The following PDE6A variants were observed in gnomAD, a reference collection of about 807,000 sequenced individuals.
The protein encoded by PDE6A is phosphodiesterase 6A.
In PDE6A, 84 loss-of-function variants were observed where a neutral mutation model predicts 106.3. That is an observed-to-expected ratio of 0.79 (90% CI 0.66 to 0.95). The LOEUF (loss-of-function observed/expected upper bound fraction) is 0.95. Among genes scored for constraint, PDE6A ranks in the 40% least tolerant of loss-of-function variants. The pLI is 0.00. For synonymous variants in PDE6A, 394 were observed against 386.6 expected (o/e 1.02, Z -0.23); for missense variants, 1,052 against 1,084.9 (o/e 0.97, Z 0.43).
rs1361550009 is a variant in PDE6A at position 149,903,512 on chromosome 5, A to T, written c.1113+136T>A. On this transcript the variant is annotated intron_variant, in intron 8 of 21. Coordinates refer to ENST00000255266, the MANE Select transcript of PDE6A (RefSeq NM_000440.3). ...ACTCTGTCCCCATTTCCATTGGTACAGGAATTTTATCCTGTCATATTTTCA... is the reference window on the plus strand; with the variant it reads ...ACTCTGTCCCCATTTCCATTGGTACTGGAATTTTATCCTGTCATATTTTCA... 6.8e-6 allele frequency: 5 copies of T among 737,708 alleles called. No individual in the cohort carries two copies. The Admixed American group carries it at 9.9e-5, about 15-fold the overall frequency. The allele number at this position is 737,708 out of a possible 1,614,324, so 45.7% of individuals were successfully genotyped here.
Position 149,886,898 on chromosome 5 carries a change from G to A in PDE6A, c.1729-524C>T, listed in dbSNP as rs561045274. Among the ~76,000 whole-genome samples, 34 of 152,284 alleles carry A rather than the reference G, an allele frequency of 2.2e-4. No homozygotes were observed. The South Asian group carries it at 6.6e-3, about 30-fold the overall frequency. Reference sequence around the variant, plus strand: ...GAAACCAAATGTGGGAAAGTGCTCTGGAGAGCTGATGCTGACTTTATGAAA... The same window carrying A: ...GAAACCAAATGTGGGAAAGTGCTCTAGAGAGCTGATGCTGACTTTATGAAA... On this transcript the variant is annotated intron_variant, in intron 13 of 21. Coordinates refer to ENST00000255266, the MANE Select transcript of PDE6A (RefSeq NM_000440.3).
chr5:149,944,318 G>T lies in PDE6A; in HGVS notation c.356C>A (p.Ala119Asp), dbSNP rs1017616546. Residue 119 changes from alanine to aspartate, a missense_variant, in exon 1 of 22, where the codon GCT becomes GAT. Ala to Asp is a moderately radical substitution (Grantham distance 126). This residue lies in a region of PDE6A where 913 missense variants were observed against 915.2 expected (regional missense o/e 1.00). Transcript: ENST00000255266. ...ATRLFNVHKDAVLEDCLVMPD... is the reference protein window; with the variant it reads ...ATRLFNVHKDDVLEDCLVMPD... Reference sequence around the variant, plus strand: ...CATCACCAGGCAGTCCTCGAGGACAGCATCCTTGTGGACATTGAAAAGCCT... The same window carrying T: ...CATCACCAGGCAGTCCTCGAGGACATCATCCTTGTGGACATTGAAAAGCCT... 6.2e-7 allele frequency: 1 copy of T among 1,614,150 alleles called. No individual in the cohort carries two copies. Among genetic ancestry groups the T allele is most frequent in the African/African-American group, 1.3e-5 (1 of 75,046 alleles).
chr5:149,921,829 G>A, intron 4 of PDE6A, 120 bp from the exon 5 acceptor site: 1 of 804,708 alleles, frequency 1.2e-6, no homozygotes, highest in Non-Finnish European at 2.1e-6. Context: ...AGAACTCAGT[G>A]AAACCTAAAC....
chr5:149,916,067 G>A (rs1210041107), intron 5 of PDE6A, among the ~76,000 whole-genome samples: 1 of 152,046 alleles, frequency 6.6e-6, no homozygotes, highest in East Asian at 1.9e-4. Context: ...CGAATTCCTG[G>A]GCTCACGTGA....
At chr5:149,914,348 T>C (rs1753486355) in intron 6 of PDE6A, among the ~76,000 whole-genome samples, 1 of 151,716 alleles carries the variant, frequency 6.6e-6, no homozygotes, top group Non-Finnish European at 1.5e-5. Flanking sequence ...TGGTCAGTGT[T>C]GATCTTGGAA....
Position 149,882,270 on chromosome 5 carries a change from G to A in PDE6A, c.2135+1159C>T, listed in dbSNP as rs571727114. On this transcript the variant is annotated intron_variant, in intron 17 of 21. Transcript: ENST00000255266. ...ACTTGCTGCTGCCCCCCCCGTTTCC[G>A]GAGCCTGTCCCAGTGGTCTCCTCTT... Among the ~76,000 whole-genome samples the A allele has an allele frequency of 9.2e-5, 14 of 151,922 alleles. No homozygotes were observed. In the East Asian group the frequency reaches 1.9e-3, roughly 21 times the overall value.
At chr5:149,909,150 C>T (rs946580104) in intron 6 of PDE6A, among the ~76,000 whole-genome samples, 3 of 152,034 alleles carry the variant, frequency 2.0e-5, no homozygotes, top group Non-Finnish European at 4.4e-5. Context: ...CATGTGCCAC[C>T]ACACCTGGCT....
intron 16 of PDE6A, 113 bp downstream of exon 16, chr5:149,884,366 G>GTA (rs1761058584): frequency 2.8e-6 from 2 of 707,328 alleles, no homozygotes; most frequent in South Asian, 3.1e-5. Context: ...GTGTATATAT[G>GTA]TATATATGTG....
intron 17 of PDE6A, among the ~76,000 whole-genome samples, chr5:149,873,288 C>A (rs566825234): frequency 5.9e-5 from 9 of 151,456 alleles, no homozygotes; most frequent in Middle Eastern, 3.5e-3. Flanking sequence ...TTTATGGAGA[C>A]TGAAGTTTGA....
chr5:149,885,777 A>G (rs990721693), intron 14 of PDE6A, among the ~76,000 whole-genome samples: 3 of 152,230 alleles, frequency 2.0e-5, no homozygotes, highest in Non-Finnish European at 4.4e-5. Flanking sequence ...GGAGTCTGAA[A>G]TGGGTCCTTA....
intron 17 of PDE6A, among the ~76,000 whole-genome samples, chr5:149,874,534 T>C (rs9324631): frequency 0.12 from 17,652 of 152,192 alleles, 1,949 homozygotes; most frequent in African/African-American, 0.29. Context: ...TAAACCCTGC[T>C]GTTTAGAGGT....
rs1760047689 is a variant in PDE6A, at chr5:149,859,299, G to C, written c.*1596C>G. The C allele has an allele frequency of 6.6e-6, 1 of 152,204 alleles. No individual in the cohort carries two copies. The highest frequency in any genetic ancestry group is 1.5e-5 in the Non-Finnish European group (1 of 68,034). 9.4% of individuals were successfully genotyped at this position (152,204 alleles called of 1,614,324 possible). A position where few individuals can be genotyped will look rare whatever the true frequency, so the allele number is the denominator to read the frequency against. On this transcript the variant is annotated 3_prime_UTR_variant, in exon 22 of 22. Coordinates refer to ENST00000255266, the MANE Select transcript of PDE6A (RefSeq NM_000440.3). ...AAAAAGAAACAACTAAATTCAATAT[G>C]TGAATTTGTTTGGATCAGATTCAGG...
At chr5:149,917,033 G>T (rs1180130485) in intron 5 of PDE6A, among the ~76,000 whole-genome samples, 1 of 150,098 alleles carries the variant, frequency 6.7e-6, no homozygotes, top group Non-Finnish European at 1.5e-5. Flanking sequence ...CTGTTTAATT[G>T]AATAAAAGGG....
intron 17 of PDE6A, among the ~76,000 whole-genome samples, chr5:149,872,054 A>T (rs1385875613): frequency 6.6e-6 from 1 of 152,198 alleles, no homozygotes; most frequent in African/African-American, 2.4e-5. Context: ...CAGAAATGTG[A>T]ACCTTATGCT....
At chr5:149,923,922 C>T (rs1285813959) in intron 4 of PDE6A, among the ~76,000 whole-genome samples, 1 of 152,180 alleles carries the variant, frequency 6.6e-6, no homozygotes, top group Non-Finnish European at 1.5e-5. Context: ...TCATGGTCTG[C>T]TTATTCTAAT....
intron 13 of PDE6A, among the ~76,000 whole-genome samples, chr5:149,889,783 T>A (rs2113567856): frequency 6.6e-6 from 1 of 151,734 alleles, no homozygotes; most frequent in Non-Finnish European, 1.5e-5. Context: ...GGCACGCACC[T>A]GTAATCCCAG....
intron 8 of PDE6A, among the ~76,000 whole-genome samples, chr5:149,902,178 C>T (rs1166230490): frequency 6.6e-6 from 1 of 152,182 alleles, no homozygotes; most frequent in Non-Finnish European, 1.5e-5. Context: ...CTGCCAGTCT[C>T]TCCCTCAATT....
At chr5:149,935,200 G>T (rs1754147616) in intron 1 of PDE6A, among the ~76,000 whole-genome samples, 1 of 152,130 alleles carries the variant, frequency 6.6e-6, no homozygotes, top group Non-Finnish European at 1.5e-5. Flanking sequence ...CCATCTTACA[G>T]AAGGGGGATC....
chr5:149,909,380 G>A (rs1167053112), intron 6 of PDE6A, among the ~76,000 whole-genome samples: 1 of 152,150 alleles, frequency 6.6e-6, no homozygotes, highest in Non-Finnish European at 1.5e-5. Flanking sequence ...CTTTGAGCTG[G>A]CTATGTTCCT....
Sources: gnomAD v4.1 joint callset for allele counts (sites outside exome capture counted in the v4.1 genomes callset) on GRCh38, gnomAD v4.1.1 for gene constraint, gnomAD v4.1.1 regional missense constraint, MANE v1.5 for transcripts, NCBI Gene and HGNC (gene_info 2026-07-23, HGNC 2026-07-21) for gene names.